Variants in PITPNB observed in about 807,000 individuals in gnomAD.
The protein encoded by PITPNB is phosphatidylinositol transfer protein beta.
In PITPNB, 16 loss-of-function variants were observed where a neutral mutation model predicts 45.9. The ratio of observed to expected loss-of-function variants is 0.35; its 90% CI spans 0.24 to 0.53. PITPNB has a LOEUF of 0.53. Among genes scored for constraint, PITPNB ranks in the 20% least tolerant of loss-of-function variants. The probability of loss-of-function intolerance (pLI) is 0.93; values close to 1 mark genes in which losing one functional copy is unlikely to be tolerated. For missense variants in PITPNB, 188 were observed against 330.5 expected (o/e 0.57, Z 3.34); for synonymous variants, 112 against 108.9 (o/e 1.03, Z -0.18).
At chr22:27,894,438 G>A (rs943209529) in intron 7 of PITPNB, 117 bp downstream of exon 7, 15 of 632,118 alleles carry the variant, frequency 2.4e-5, no homozygotes, top group Non-Finnish European at 4.3e-5. Context: ...GCATAGAAAT[G>A]TAGGCCATAC....
chr22:27,898,785 T>C (rs1935509746), intron 3 of PITPNB, among the ~76,000 whole-genome samples: 2 of 152,296 alleles, frequency 1.3e-5, no homozygotes, highest in South Asian at 4.1e-4. Context: ...AATACATGAT[T>C]AATATATGAG....
chr22:27,891,647 T>C (rs1935282796), intron 7 of PITPNB, among the ~76,000 whole-genome samples: 1 of 152,116 alleles, frequency 6.6e-6, no homozygotes, highest in African/African-American at 2.4e-5. Context: ...GTGAGTGAGT[T>C]CTCACAAGAT....
chr22:27,905,746 T>C (rs1935737589), intron 3 of PITPNB, among the ~76,000 whole-genome samples: 2 of 152,200 alleles, frequency 1.3e-5, no homozygotes, highest in Admixed American at 1.3e-4. Context: ...GGCGAAAGTG[T>C]AACACTTACG....
chr22:27,857,441 C>T (rs1325332935), intron 10 of PITPNB, among the ~76,000 whole-genome samples: 2 of 152,176 alleles, frequency 1.3e-5, no homozygotes, highest in Non-Finnish European at 2.9e-5. Flanking sequence ...AGATTCTTTA[C>T]GATGCTATGT....
rs115348484 is a variant in PITPNB, at chr22:27,864,387, C to T, written c.535-4146G>A. ...TAAAAGAATCCTTTTGGTATCTTCTCTCTGGAGTGAAATCTGACACTAGGT... is the reference window on the plus strand; with the variant it reads ...TAAAAGAATCCTTTTGGTATCTTCTTTCTGGAGTGAAATCTGACACTAGGT... On this transcript the variant is annotated intron_variant, in intron 8 of 11. Coordinates refer to ENST00000335272, the MANE Select transcript of PITPNB (RefSeq NM_012399.5). Among the ~76,000 whole-genome samples, 996 of 152,272 alleles carry T rather than the reference C, an allele frequency of 6.5e-3. 7 individuals carry two copies. Among genetic ancestry groups the T allele is most frequent in the African/African-American group, 0.022 (901 of 41,552 alleles).
At position 27,897,151 on chromosome 22, in the gene PITPNB, G is replaced by A. The variant is rs1285098224; in HGVS notation, c.290-14C>T. 1.3e-6 allele frequency: 2 copies of A among 1,562,258 alleles called. No individual in the cohort carries two copies. The highest frequency in any genetic ancestry group is 2.2e-5 in the South Asian group (2 of 89,988). On this transcript the variant is annotated splice_polypyrimidine_tract_variant and intron_variant, in intron 4 of 11. Coordinates refer to ENST00000335272, the MANE Select transcript of PITPNB (RefSeq NM_012399.5). ...TCACCGTTACAACTGAGGCATAATG[G>A]AGAGGTAGGTAATGAAAGGAGAAAA...
At chr22:27,907,198 A>T (rs1182864456) in intron 3 of PITPNB, among the ~76,000 whole-genome samples, 1 of 152,250 alleles carries the variant, frequency 6.6e-6, no homozygotes, top group Non-Finnish European at 1.5e-5. Flanking sequence ...AAAACTAGCT[A>T]GGGACTATGG....
chr22:27,906,498 T>C (rs776953739), intron 3 of PITPNB, among the ~76,000 whole-genome samples: 1 of 152,170 alleles, frequency 6.6e-6, no homozygotes, highest in African/African-American at 2.4e-5. Flanking sequence ...AAGTGGTTAG[T>C]TGAGCAAAGT....
chr22:27,856,797 G>C (rs1371918163), intron 10 of PITPNB, among the ~76,000 whole-genome samples: 1 of 152,188 alleles, frequency 6.6e-6, no homozygotes, highest in Non-Finnish European at 1.5e-5. Flanking sequence ...CTGCTTGGAA[G>C]AGCCAAAGGC....
chr22:27,881,113 C>G (rs1481908854), intron 7 of PITPNB, among the ~76,000 whole-genome samples: 1 of 152,164 alleles, frequency 6.6e-6, no homozygotes, highest in Admixed American at 6.5e-5. Context: ...TTTCACATTT[C>G]TTTTTAATAG....
intron 7 of PITPNB, 148 bp downstream of exon 7, chr22:27,894,407 C>T: frequency 1.7e-6 from 1 of 572,994 alleles, no homozygotes; most frequent in South Asian, 2.3e-5. Context: ...ACGTACTAGA[C>T]TTCACTCCAA....
At chr22:27,880,867 T>G (rs934889343) in intron 7 of PITPNB, among the ~76,000 whole-genome samples, 1 of 152,170 alleles carries the variant, frequency 6.6e-6, no homozygotes, top group Admixed American at 6.5e-5. Flanking sequence ...GTGATCTGCC[T>G]GCCTCAGCCT....
At chr22:27,870,616 A>T (rs1738744658) in intron 8 of PITPNB, among the ~76,000 whole-genome samples, 1 of 152,156 alleles carries the variant, frequency 6.6e-6, no homozygotes. Context: ...CATAATTATC[A>T]TGTTTGTTCC....
chr22:27,863,798 C>T (rs1207168879), intron 8 of PITPNB, among the ~76,000 whole-genome samples: 2 of 152,212 alleles, frequency 1.3e-5, no homozygotes, highest in South Asian at 2.1e-4. Context: ...AGTACACATA[C>T]GTGACTTCAA....
rs999123511 is a variant in PITPNB at position 27,918,761 on chromosome 22, A to G, written c.20+411T>C. 5.3e-5 allele frequency among the ~76,000 whole-genome samples: 8 copies of G among 152,172 alleles called. No individual in the cohort carries two copies. The East Asian group carries it at 1.6e-3, about 30-fold the overall frequency. ...TGGTTACCAGGGGACTCCACCCCGG[A>G]CGACAAATCACAGTCAGAACCAACG... On this transcript the variant is annotated intron_variant, in intron 1 of 11. Coordinates refer to ENST00000335272, the MANE Select transcript of PITPNB (RefSeq NM_012399.5).
rs780936845 is a variant in PITPNB, at chr22:27,919,195, C to T, written c.-4G>A. On this transcript the variant is annotated 5_prime_UTR_variant, in exon 1 of 12. Transcript: ENST00000335272. ...ACAATTCCTTGATCAGCACCATCTT[C>T]CCGGAACCCCCTCACAGCTGCCGCC... 3.1e-6 allele frequency: 5 copies of T among 1,613,414 alleles called. No individual in the cohort carries two copies. Among genetic ancestry groups the T allele is most frequent in the East Asian group, 4.5e-5 (2 of 44,880 alleles).
intron 1 of PITPNB, among the ~76,000 whole-genome samples, chr22:27,916,219 T>G (rs1017616150): frequency 6.6e-6 from 1 of 152,232 alleles, no homozygotes; most frequent in African/African-American, 2.4e-5. Context: ...GATTAAGACA[T>G]TCAGAACAAT....
At chr22:27,904,602 T>C (rs1601423411) in intron 3 of PITPNB, among the ~76,000 whole-genome samples, 1 of 152,334 alleles carries the variant, frequency 6.6e-6, no homozygotes, top group Non-Finnish European at 1.5e-5. Context: ...GTGTGCATTT[T>C]AAAAGAATGA....
intron 7 of PITPNB, among the ~76,000 whole-genome samples, chr22:27,885,240 A>AAAAAAAAAAG: frequency 7.1e-6 from 1 of 140,032 alleles, no homozygotes; most frequent in Non-Finnish European, 1.5e-5. Flanking sequence ...AAAAAAAAAA[A>AAAAAAAAAAG]AAAAAAAAAA....
Sources: gnomAD v4.1 joint callset for allele counts (sites outside exome capture counted in the v4.1 genomes callset) on GRCh38, gnomAD v4.1.1 for gene constraint, MANE v1.5 for transcripts, NCBI Gene and HGNC (gene_info 2026-07-23, HGNC 2026-07-21) for gene names.